ZBTB7C: variants seen among roughly 807,000 people sequenced by gnomAD.
ZBTB7C encodes zinc finger and BTB domain-containing protein 7C.
In ZBTB7C, 8 loss-of-function variants were observed where a neutral mutation model predicts 25.7. That is an observed-to-expected ratio of 0.31 (90% CI 0.18 to 0.56). The LOEUF is 0.56. Ranked by LOEUF, ZBTB7C falls within the 20% of genes least tolerant of loss-of-function variation. The pLI is 0.91. For missense variants in ZBTB7C, 824 were observed against 855.2 expected, an observed-to-expected ratio of 0.96 and a Z score of 0.46; for synonymous variants, 394 against 369.0, an observed-to-expected ratio of 1.07 and a Z score of -0.78.
chr18:48,286,791 C>T (rs888704793), intron 2 of ZBTB7C, among the ~76,000 whole-genome samples: 1 of 152,056 alleles, frequency 6.6e-6, no homozygotes, highest in African/African-American at 2.4e-5. Context: ...GTGGCTCATG[C>T]CTGTAATCCC....
At position 48,292,566 on chromosome 18, in the gene ZBTB7C, A is replaced by G. The variant is rs553132268; in HGVS notation, c.-79+45608T>C. Reference sequence around the variant, plus strand: ...GAGAAGGACAGGGGCAAGCAGAGAGAAGAGATGCTGTCTATGCCTCATGCT... The same window carrying G: ...GAGAAGGACAGGGGCAAGCAGAGAGGAGAGATGCTGTCTATGCCTCATGCT... On this transcript the variant is annotated intron_variant, in intron 2 of 4. Coordinates refer to ENST00000590800, the MANE Select transcript of ZBTB7C (RefSeq NM_001318841.2). 3.9e-5 allele frequency among the ~76,000 whole-genome samples: 6 copies of G among 152,298 alleles called. No individual in the cohort carries two copies. In the South Asian group the frequency reaches 1.2e-3, roughly 32 times the overall value.
chr18:48,378,730 A>C (rs1399940657), intron 1 of ZBTB7C, among the ~76,000 whole-genome samples: 1 of 152,338 alleles, frequency 6.6e-6, no homozygotes, highest in African/African-American at 2.4e-5. Context: ...CAGACAGACA[A>C]TATGCAATCA....
chr18:48,085,162 G>A (rs1352078504), intron 3 of ZBTB7C, among the ~76,000 whole-genome samples: 1 of 152,104 alleles, frequency 6.6e-6, no homozygotes, highest in Non-Finnish European at 1.5e-5. Flanking sequence ...GGCGGGTGGG[G>A]GTAGGTAAAA....
intron 3 of ZBTB7C, among the ~76,000 whole-genome samples, chr18:48,164,807 T>C (rs891519268): frequency 3.3e-5 from 5 of 152,128 alleles, no homozygotes; most frequent in African/African-American, 1.2e-4. Context: ...GCACCTACTG[T>C]ATACTAGATA....
At chr18:48,267,327 A>G (rs1275656353) in intron 2 of ZBTB7C, among the ~76,000 whole-genome samples, 1 of 152,248 alleles carries the variant, frequency 6.6e-6, no homozygotes, top group Non-Finnish European at 1.5e-5. Flanking sequence ...ACTGCTTGAC[A>G]GCAAGGCCCC....
At chr18:48,056,782 A>G (rs185112584) in intron 3 of ZBTB7C, among the ~76,000 whole-genome samples, 51 of 152,298 alleles carry the variant, frequency 3.3e-4, no homozygotes, top group African/African-American at 1.2e-3. Context: ...TAAAAAAAGT[A>G]AATAAAATAT....
At chr18:48,039,711 AC>A (rs2144141151) in intron 4 of ZBTB7C, among the ~76,000 whole-genome samples, 188 bp downstream of exon 4, 2 of 152,292 alleles carry the variant, frequency 1.3e-5, no homozygotes, top group East Asian at 3.9e-4. Context: ...CTGAGAAAAT[AC>A]TGCAGCCCCT....
chr18:48,307,047 C>T (rs1346094651), intron 2 of ZBTB7C, among the ~76,000 whole-genome samples: 2 of 152,132 alleles, frequency 1.3e-5, no homozygotes, highest in Admixed American at 6.5e-5. Context: ...TCATGCCTGG[C>T]ATGAGAAACA....
At chr18:48,125,357 G>C (rs535231043) in intron 3 of ZBTB7C, among the ~76,000 whole-genome samples, 1 of 152,226 alleles carries the variant, frequency 6.6e-6, no homozygotes, top group Admixed American at 6.5e-5. Context: ...GATAGTGTCC[G>C]TAGGAAGAAG....
chr18:48,049,712 A>G (rs1445575759), intron 3 of ZBTB7C, among the ~76,000 whole-genome samples: 1 of 152,212 alleles, frequency 6.6e-6, no homozygotes, highest in Admixed American at 6.5e-5. Context: ...CAAGTCACGC[A>G]GCTAGAAAAC....
intron 2 of ZBTB7C, among the ~76,000 whole-genome samples, chr18:48,250,996 G>A (rs973848754): frequency 1.3e-5 from 2 of 152,028 alleles, no homozygotes; most frequent in Non-Finnish European, 2.9e-5. Context: ...GGCTGAGTTG[G>A]GAGGATCATT....
intron 4 of ZBTB7C, among the ~76,000 whole-genome samples, chr18:48,030,114 G>A (rs2035680943): frequency 1.3e-5 from 2 of 152,102 alleles, no homozygotes; most frequent in Non-Finnish European, 2.9e-5. Flanking sequence ...AAAGGGATGC[G>A]GAAAAAGCAG....
chr18:48,143,907 C>A (rs964084300), intron 3 of ZBTB7C, among the ~76,000 whole-genome samples: 1 of 152,182 alleles, frequency 6.6e-6, no homozygotes, highest in African/African-American at 2.4e-5. Flanking sequence ...GAACCCGGAT[C>A]CCTCTCCCCT....
chr18:48,229,376 G>C (rs2043191104), intron 2 of ZBTB7C, among the ~76,000 whole-genome samples: 1 of 152,094 alleles, frequency 6.6e-6, no homozygotes, highest in Non-Finnish European at 1.5e-5. Flanking sequence ...ACAATATCTT[G>C]TAAAGTGCCC....
chr18:48,327,466 T>C (rs577218948), intron 2 of ZBTB7C, among the ~76,000 whole-genome samples: 24 of 152,280 alleles, frequency 1.6e-4, no homozygotes, highest in Admixed American at 7.2e-4. Flanking sequence ...CAGCCCAGCT[T>C]TGCCGTGAAC....
chr18:48,297,643 C>T (rs1007679975), intron 2 of ZBTB7C, among the ~76,000 whole-genome samples: 1 of 152,190 alleles, frequency 6.6e-6, no homozygotes, highest in Non-Finnish European at 1.5e-5. Flanking sequence ...CAGTGCCGGG[C>T]AACTGCAGAA....
intron 2 of ZBTB7C, among the ~76,000 whole-genome samples, chr18:48,285,745 A>G (rs1160985764): frequency 6.6e-6 from 1 of 152,184 alleles, no homozygotes; most frequent in Non-Finnish European, 1.5e-5. Flanking sequence ...TTTTTCAACA[A>G]AAGTTTCTGC....
intron 1 of ZBTB7C, among the ~76,000 whole-genome samples, chr18:48,344,277 C>T (rs1407234541): frequency 2.0e-5 from 3 of 152,246 alleles, no homozygotes; most frequent in Admixed American, 6.5e-5. Context: ...AGCCACCACA[C>T]GTGGCCGGGA....
At chr18:48,362,955 C>T (rs1239924597) in intron 1 of ZBTB7C, among the ~76,000 whole-genome samples, 7 of 152,216 alleles carry the variant, frequency 4.6e-5, no homozygotes, top group African/African-American at 1.4e-4. Context: ...AAACATGACA[C>T]GCACACAGCA....
Sources: allele counts gnomAD v4.1 joint callset (sites outside exome capture counted in the v4.1 genomes callset), GRCh38; gene constraint gnomAD v4.1.1; transcripts MANE v1.5; gene names NCBI Gene and HGNC (gene_info 2026-07-23, HGNC 2026-07-21).